Variants in CMIP observed in about 807,000 individuals in gnomAD.
The protein encoded by CMIP is c-Maf inducing protein.
A neutral mutation model predicts 97.3 loss-of-function variants in CMIP; 13 were observed. The observed-to-expected ratio is 0.13, with a 90% CI of 0.09 to 0.21. The LOEUF (loss-of-function observed/expected upper bound fraction) is 0.21, where lower values mean the gene tolerates loss of function less well. CMIP is among the 10% of genes least tolerant of loss of function. CMIP has a pLI of 1.00. For synonymous variants in CMIP, 538 were observed against 436.3 expected (o/e 1.23, Z -2.91); for missense variants, 847 against 1,024.9 (o/e 0.83, Z 2.37).
chr16:81,604,488 A>C (rs1340813793), intron 1 of CMIP, among the ~76,000 whole-genome samples: 1 of 151,762 alleles, frequency 6.6e-6, no homozygotes, highest in Non-Finnish European at 1.5e-5. Flanking sequence ...TCACAAGGTC[A>C]GGAGTTCAAG....
chr16:81,615,449 GGT>G (rs372243190), intron 2 of CMIP, among the ~76,000 whole-genome samples: 35 of 138,216 alleles, frequency 2.5e-4, no homozygotes, highest in African/African-American at 6.5e-4. Context: ...GTAACTGTAT[GGT>G]GTGTGTGTGG....
chr16:81,470,441 G>C (rs1431973648), intron 1 of CMIP, among the ~76,000 whole-genome samples: 2 of 152,212 alleles, frequency 1.3e-5, no homozygotes, highest in Non-Finnish European at 2.9e-5. Flanking sequence ...CACAGAGACA[G>C]ATGTTTCAGA....
intron 1 of CMIP, among the ~76,000 whole-genome samples, chr16:81,571,412 G>C (rs1005257098): frequency 7.9e-5 from 12 of 151,856 alleles, no homozygotes; most frequent in African/African-American, 2.9e-4. Flanking sequence ...AGGCTGCAGC[G>C]AGCAGGGATC....
At chr16:81,699,110 A>C (rs1907094152) in intron 14 of CMIP, among the ~76,000 whole-genome samples, 1 of 152,140 alleles carries the variant, frequency 6.6e-6, no homozygotes, top group African/African-American at 2.4e-5. Flanking sequence ...TAAATTAGCC[A>C]GGTATGGTGG....
At chr16:81,662,306 C>T (rs2092556071) in intron 6 of CMIP, among the ~76,000 whole-genome samples, 1 of 152,232 alleles carries the variant, frequency 6.6e-6, no homozygotes, top group African/African-American at 2.4e-5. Flanking sequence ...ACAAGATACA[C>T]TTGCCTCACT....
At chr16:81,664,692 G>T in intron 7 of CMIP, 1 of 486,962 alleles carries the variant, frequency 2.1e-6, no homozygotes. Flanking sequence ...TTTAGTGTGT[G>T]CTGCGCACAG....
intron 3 of CMIP, among the ~76,000 whole-genome samples, chr16:81,622,978 C>T (rs747072810): frequency 1.2e-4 from 19 of 152,196 alleles, no homozygotes; most frequent in African/African-American, 3.4e-4. Flanking sequence ...CCAAAGCAGG[C>T]GGGTAGTCTA....
chr16:81,701,540 G>A, intron 15 of CMIP, 120 bp from the exon 16 acceptor site: 1 of 1,385,702 alleles, frequency 7.2e-7, no homozygotes, highest in African/African-American at 1.4e-5. Context: ...ACACAGCCGG[G>A]GCTGCAGAAA....
At chr16:81,464,956 C>T (rs558999808) in intron 1 of CMIP, 8 of 152,214 alleles carry the variant, frequency 5.3e-5, no homozygotes, top group Non-Finnish European at 7.3e-5. Context: ...ATCCATTCTT[C>T]GGTCGACAGA....
chr16:81,591,968 C>T (rs1342304016), intron 1 of CMIP, among the ~76,000 whole-genome samples: 21 of 151,590 alleles, frequency 1.4e-4, no homozygotes, highest in African/African-American at 5.1e-4. Context: ...GGATTACAGG[C>T]GCCTGCCACC....
At chr16:81,540,457 C>T (rs969664318) in intron 1 of CMIP, among the ~76,000 whole-genome samples, 6 of 151,948 alleles carry the variant, frequency 3.9e-5, no homozygotes, top group African/African-American at 1.5e-4. Flanking sequence ...CACAAACCAC[C>T]TCGCCCAGCT....
intron 1 of CMIP, among the ~76,000 whole-genome samples, chr16:81,556,734 G>T (rs1357934507): frequency 6.6e-6 from 1 of 152,238 alleles, no homozygotes; most frequent in Non-Finnish European, 1.5e-5. Flanking sequence ...CACTTAAATG[G>T]TTAAAATGGC....
intron 1 of CMIP, among the ~76,000 whole-genome samples, chr16:81,501,064 TC>T (rs2089601156): frequency 6.6e-6 from 1 of 152,234 alleles, no homozygotes; most frequent in Non-Finnish European, 1.5e-5. Context: ...TCCTGCCACT[TC>T]CAGGAGCTGC....
intron 7 of CMIP, among the ~76,000 whole-genome samples, chr16:81,668,360 T>A (rs1597221021): frequency 1.3e-5 from 2 of 152,232 alleles, no homozygotes; most frequent in East Asian, 3.9e-4. Flanking sequence ...GGCGGCCAGA[T>A]TCACAGGCCC....
At chr16:81,640,551 G>T (rs1045413399) in intron 3 of CMIP, among the ~76,000 whole-genome samples, 5 of 152,188 alleles carry the variant, frequency 3.3e-5, no homozygotes. Flanking sequence ...TAAAACAACA[G>T]AAATTTGTTC....
chr16:81,602,160 T>C (rs2091668471), intron 1 of CMIP, among the ~76,000 whole-genome samples: 1 of 152,070 alleles, frequency 6.6e-6, no homozygotes, highest in African/African-American at 2.4e-5. Flanking sequence ...AGGGATGAAA[T>C]TGATGGTGGC....
At chr16:81,612,584 G>C (rs889054939) in intron 2 of CMIP, among the ~76,000 whole-genome samples, 1 of 152,200 alleles carries the variant, frequency 6.6e-6, no homozygotes, top group East Asian at 1.9e-4. Flanking sequence ...GGAAAAGGTC[G>C]CTCACAGCGC....
intron 1 of CMIP, among the ~76,000 whole-genome samples, chr16:81,553,428 C>G (rs1193106182): frequency 6.6e-6 from 1 of 152,226 alleles, no homozygotes; most frequent in Non-Finnish European, 1.5e-5. Flanking sequence ...AAGCGCTGGC[C>G]TCAGAGGTGC....
intron 1 of CMIP, among the ~76,000 whole-genome samples, chr16:81,450,470 T>C (rs1433334893): frequency 6.6e-6 from 1 of 152,210 alleles, no homozygotes; most frequent in Non-Finnish European, 1.5e-5. Context: ...CTAGGGTTGC[T>C]GTAAGGATTG....
Sources: allele counts gnomAD v4.1 joint callset (sites outside exome capture counted in the v4.1 genomes callset), GRCh38; gene constraint gnomAD v4.1.1; transcripts MANE v1.5; gene names NCBI Gene and HGNC (gene_info 2026-07-23, HGNC 2026-07-21).